CFAP299: variants seen among roughly 807,000 people sequenced by gnomAD.
CFAP299 encodes cilia- and flagella-associated protein 299.
CFAP299 carries 21 observed loss-of-function variants against 27.0 expected under a neutral mutation model. The observed-to-expected ratio is 0.78, with a 90% CI of 0.55 to 1.12. The LOEUF is 1.12. Among genes scored for constraint, CFAP299 ranks in the 50% most tolerant of loss-of-function variants. The pLI is 0.00. For missense variants in CFAP299, 310 were observed against 276.6 expected, an observed-to-expected ratio of 1.12 and a Z score of -0.86; for synonymous variants, 104 against 98.1, an observed-to-expected ratio of 1.06 and a Z score of -0.36.
At chr4:80,799,638 TA>T (rs1264095586) in intron 3 of CFAP299, among the ~76,000 whole-genome samples, 6 of 40,902 alleles carry the variant, frequency 1.5e-4, no homozygotes, top group African/African-American at 2.1e-4. Flanking sequence ...ATATAATATA[TA>T]AAATATATAT....
At chr4:80,414,162 C>T (rs891042233) in intron 2 of CFAP299, among the ~76,000 whole-genome samples, 39 of 148,328 alleles carry the variant, frequency 2.6e-4, no homozygotes, top group Non-Finnish European at 5.1e-4. Flanking sequence ...GCTCCGCCTC[C>T]CGGGTTCACG....
intron 3 of CFAP299, among the ~76,000 whole-genome samples, chr4:80,675,648 G>T (rs1248473173): frequency 1.3e-5 from 2 of 152,186 alleles, no homozygotes; most frequent in African/African-American, 4.8e-5. Flanking sequence ...CCCAGAGGTG[G>T]GGTCTACAGA....
At chr4:80,556,766 GT>G (rs1317863845) in intron 2 of CFAP299, among the ~76,000 whole-genome samples, 2 of 151,884 alleles carry the variant, frequency 1.3e-5, no homozygotes, top group African/African-American at 4.8e-5. Context: ...TGTCATTCAA[GT>G]AGCCAAAATT....
At chr4:80,568,442 C>A (rs545458924) in intron 2 of CFAP299, among the ~76,000 whole-genome samples, 1 of 152,112 alleles carries the variant, frequency 6.6e-6, no homozygotes, top group Admixed American at 6.6e-5. Flanking sequence ...AATCAATTTT[C>A]TCTTTACTTT....
intron 2 of CFAP299, among the ~76,000 whole-genome samples, chr4:80,516,901 G>A (rs1732615125): frequency 6.6e-6 from 1 of 152,130 alleles, no homozygotes; most frequent in Admixed American, 6.6e-5. Flanking sequence ...TGCATACTCA[G>A]CTTATTATCA....
intron 3 of CFAP299, among the ~76,000 whole-genome samples, chr4:80,743,802 C>G (rs1724426957): frequency 6.6e-6 from 1 of 152,104 alleles, no homozygotes; most frequent in Non-Finnish European, 1.5e-5. Context: ...CCTGCACATT[C>G]TGCACATGTA....
At chr4:80,407,058 C>T (rs1726466718) in intron 2 of CFAP299, among the ~76,000 whole-genome samples, 1 of 151,666 alleles carries the variant, frequency 6.6e-6, no homozygotes, top group Admixed American at 6.6e-5. Flanking sequence ...GCTATGCTGC[C>T]TAATAGTAGT....
intron 3 of CFAP299, among the ~76,000 whole-genome samples, chr4:80,585,752 T>C (rs1736402859): frequency 6.6e-6 from 1 of 152,124 alleles, no homozygotes; most frequent in Admixed American, 6.6e-5. Context: ...TAGGGAATGA[T>C]ATATAAGACA....
intron 2 of CFAP299, among the ~76,000 whole-genome samples, chr4:80,413,750 C>CTTTTTTTTTTT (rs66780627): frequency 3.2e-4 from 35 of 108,294 alleles, no homozygotes; most frequent in Middle Eastern, 6.5e-3. Context: ...TTGTGTCATT[C>CTTTTTTTTTTT]TTTTTTTTTT....
chr4:80,614,487 C>G (rs983771514), intron 3 of CFAP299, among the ~76,000 whole-genome samples: 1 of 152,148 alleles, frequency 6.6e-6, no homozygotes. Context: ...GAAGATGGCT[C>G]GGATTTGATT....
intron 2 of CFAP299, among the ~76,000 whole-genome samples, chr4:80,447,138 T>TTTTTTTTTTTTTTTTTTTTCTTTTTTTG (rs1728667569): frequency 8.9e-6 from 1 of 112,012 alleles, no homozygotes; most frequent in African/African-American, 3.8e-5. Flanking sequence ...TTGTTTTTTT[T>TTTTTTTTTTTTTTTTTTTTCTTTTTTTG]TTTTTTTTTT....
intron 2 of CFAP299, among the ~76,000 whole-genome samples, chr4:80,454,282 A>G (rs1476922744): frequency 1.3e-5 from 2 of 152,210 alleles, no homozygotes; most frequent in East Asian, 1.9e-4. Context: ...AAAAACAAGG[A>G]CATTAGAAAT....
At chr4:80,643,831 T>C (rs1739846536) in intron 3 of CFAP299, among the ~76,000 whole-genome samples, 1 of 152,170 alleles carries the variant, frequency 6.6e-6, no homozygotes, top group Non-Finnish European at 1.5e-5. Flanking sequence ...GAAATGTTAT[T>C]TTATAATGAG....
intron 2 of CFAP299, among the ~76,000 whole-genome samples, chr4:80,391,100 G>T (rs971040681): frequency 1.3e-5 from 2 of 151,458 alleles, no homozygotes; most frequent in Non-Finnish European, 2.9e-5. Context: ...CATATATCCT[G>T]CATTTTCTTT....
At chr4:80,707,719 T>G (rs1367021586) in intron 3 of CFAP299, among the ~76,000 whole-genome samples, 3 of 152,082 alleles carry the variant, frequency 2.0e-5, no homozygotes, top group Non-Finnish European at 4.4e-5. Context: ...TCATCTGGTC[T>G]CAGGTATATA....
At chr4:80,351,795 G>T (rs1044816442) in intron 1 of CFAP299, among the ~76,000 whole-genome samples, 6 of 150,436 alleles carry the variant, frequency 4.0e-5, no homozygotes, top group African/African-American at 1.2e-4. Context: ...TAATATTAAT[G>T]TTATAGTTAT....
chr4:80,343,448 A>G lies in CFAP299; in HGVS notation c.111+7569A>G, dbSNP rs955641735. ...AGTAAAACACTCTTCAGCAAATGCAAAAGAACTGAAATAATAACAGTCTAT... is the reference window on the plus strand; with the variant it reads ...AGTAAAACACTCTTCAGCAAATGCAGAAGAACTGAAATAATAACAGTCTAT... On this transcript the variant is annotated intron_variant, in intron 1 of 5. Coordinates refer to ENST00000358105, the MANE Select transcript of CFAP299 (RefSeq NM_152770.3). Among the ~76,000 whole-genome samples, 4 of 152,326 alleles carry G rather than the reference A, an allele frequency of 2.6e-5. No individual in the cohort carries two copies. In the East Asian group the frequency reaches 7.7e-4, roughly 29 times the overall value.
chr4:80,431,058 G>A (rs1176314666), intron 2 of CFAP299, among the ~76,000 whole-genome samples: 3 of 152,098 alleles, frequency 2.0e-5, no homozygotes, highest in Non-Finnish European at 4.4e-5. Flanking sequence ...TTCCTTCACA[G>A]CAGCTGTCTC....
At chr4:80,793,511 C>T (rs902922406) in intron 3 of CFAP299, among the ~76,000 whole-genome samples, 1 of 152,078 alleles carries the variant, frequency 6.6e-6, no homozygotes, top group Non-Finnish European at 1.5e-5. Flanking sequence ...TATTAACCAT[C>T]ACAGGTCAAC....
Sources: allele counts gnomAD v4.1 joint callset (sites outside exome capture counted in the v4.1 genomes callset), GRCh38; gene constraint gnomAD v4.1.1; transcripts MANE v1.5; gene names NCBI Gene and HGNC (gene_info 2026-07-23, HGNC 2026-07-21).